The following SACM1L variants were observed in gnomAD, a reference collection of about 807,000 sequenced individuals.
The protein encoded by SACM1L is SAC1 like phosphatidylinositide phosphatase, also known as phosphatidylinositol-3-phosphatase SAC1.
Under a neutral mutation model 89.5 loss-of-function variants are expected in SACM1L, and 32 were observed. The observed-to-expected ratio is 0.36, with a 90% CI of 0.27 to 0.48. The LOEUF is 0.48. SACM1L is among the 20% of genes least tolerant of loss of function. The pLI, the probability that SACM1L is intolerant of heterozygous loss-of-function variation, is 0.99. For missense variants in SACM1L, 543 were observed against 708.5 expected, an observed-to-expected ratio of 0.77 and a Z score of 2.65; for synonymous variants, 213 against 232.8, an observed-to-expected ratio of 0.92 and a Z score of 0.77.
chr3:45,692,515 A>G (rs1698020023), intron 1 of SACM1L, among the ~76,000 whole-genome samples: 1 of 152,058 alleles, frequency 6.6e-6, no homozygotes, highest in Non-Finnish European at 1.5e-5. Context: ...CAGTTTCGCC[A>G]TGTTGCTGAA....
intron 11 of SACM1L, among the ~76,000 whole-genome samples, chr3:45,727,515 G>A (rs1280019500): frequency 6.6e-6 from 1 of 152,018 alleles, no homozygotes; most frequent in Non-Finnish European, 1.5e-5. Context: ...TGGTCTGATT[G>A]GTTTATGATG....
At chr3:45,705,084 T>C (rs1161722535) in intron 2 of SACM1L, 51 bp from the exon 3 acceptor site, 2 of 1,203,750 alleles carry the variant, frequency 1.7e-6, no homozygotes, top group South Asian at 2.6e-5. Context: ...TTTCTGTTTC[T>C]GTTGGTGAGC....
At chr3:45,707,016 C>G (rs751291076) in intron 4 of SACM1L, 109 bp downstream of exon 4, 5 of 1,043,134 alleles carry the variant, frequency 4.8e-6, no homozygotes, top group Non-Finnish European at 4.2e-6. Flanking sequence ...ATTATTTTAA[C>G]AACCTATAGA....
chr3:45,706,968 G>C, intron 4 of SACM1L, 61 bp downstream of exon 4: 1 of 1,515,154 alleles, frequency 6.6e-7, no homozygotes, highest in Non-Finnish European at 9.1e-7. Context: ...GCTGGGGAGA[G>C]GAGGGTGAGG....
chr3:45,713,572 T>C (rs762806943), intron 6 of SACM1L: 40 of 174,420 alleles, frequency 2.3e-4, no homozygotes, highest in Non-Finnish European at 3.8e-4. Context: ...AGGAGAGACA[T>C]GCACAGGCAC....
chr3:45,719,439 C>G, intron 7 of SACM1L, 61 bp from the exon 8 acceptor site: 1 of 950,614 alleles, frequency 1.1e-6, no homozygotes, highest in Non-Finnish European at 1.6e-6. Context: ...TAGATGCAAA[C>G]AATCTAGAAA....
intron 7 of SACM1L, among the ~76,000 whole-genome samples, chr3:45,715,299 G>A (rs541700573): frequency 2.6e-5 from 4 of 152,210 alleles, no homozygotes; most frequent in Admixed American, 1.3e-4. Flanking sequence ...TATTCAGTAT[G>A]TTAATATAAT....
At chr3:45,705,329 C>T (rs749927007) in intron 3 of SACM1L, 120 bp downstream of exon 3, 436 of 514,522 alleles carry the variant, frequency 8.5e-4, no homozygotes, top group Non-Finnish European at 1.0e-3. Flanking sequence ...CAGTAAATCT[C>T]TTGGTTAAGT....
Position 45,690,571 on chromosome 3 carries a change from A to G in SACM1L, c.32+1074A>G, listed in dbSNP as rs79799944. On this transcript the variant is annotated intron_variant, in intron 1 of 19. Transcript: ENST00000389061. ...TAACTTTCTGAAAGGTTCAGTGGAAAGTTAGAGGTGCAAAATTCAGAGAGG... is the reference window on the plus strand; with the variant it reads ...TAACTTTCTGAAAGGTTCAGTGGAAGGTTAGAGGTGCAAAATTCAGAGAGG... 4.6e-3 allele frequency among the ~76,000 whole-genome samples: 701 copies of G among 152,328 alleles called. 5 individuals are homozygous for G. The highest frequency in any genetic ancestry group is 0.016 in the African/African-American group (663 of 41,582).
At chr3:45,696,032 C>G (rs1698116842) in intron 1 of SACM1L, among the ~76,000 whole-genome samples, 1 of 143,978 alleles carries the variant, frequency 6.9e-6, no homozygotes, top group Admixed American at 7.2e-5. Flanking sequence ...GAGTCTCGCT[C>G]TGTTGCCTAT....
At chr3:45,695,931 C>G (rs1698112052) in intron 1 of SACM1L, among the ~76,000 whole-genome samples, 1 of 151,242 alleles carries the variant, frequency 6.6e-6, no homozygotes, top group African/African-American at 2.4e-5. Context: ...CCTTTTATGA[C>G]TGGTTTATTT....
intron 14 of SACM1L, 138 bp from the exon 15 acceptor site, chr3:45,737,445 C>G (rs1311312274): frequency 3.5e-6 from 3 of 860,302 alleles, no homozygotes; most frequent in Non-Finnish European, 5.7e-6. Context: ...GCTGGGGCCC[C>G]CTATAGACAA....
At chr3:45,742,231 G>T (rs1360965138) in intron 19 of SACM1L, among the ~76,000 whole-genome samples, 1 of 152,194 alleles carries the variant, frequency 6.6e-6, no homozygotes, top group Admixed American at 6.5e-5. Context: ...CCATGAAAAT[G>T]AGCAATTATG....
intron 7 of SACM1L, among the ~76,000 whole-genome samples, chr3:45,718,896 T>C (rs1158674387): frequency 6.6e-6 from 1 of 152,140 alleles, no homozygotes; most frequent in African/African-American, 2.4e-5. Context: ...AATAACTTTA[T>C]ATAAAGAAAG....
At position 45,739,656 on chromosome 3, in the gene SACM1L, C is replaced by T. The variant is rs3733106; in HGVS notation, c.1627+12C>T. On this transcript the variant is annotated intron_variant, in intron 19 of 19. Coordinates refer to ENST00000389061, the MANE Select transcript of SACM1L (RefSeq NM_014016.5). ...TTTGCTTATGGCTGGTAAGTCTGCTCCACACATTTGTTTCTTAGTTAGAAT... is the reference window on the plus strand; with the variant it reads ...TTTGCTTATGGCTGGTAAGTCTGCTTCACACATTTGTTTCTTAGTTAGAAT... 0.19 allele frequency: 299,329 copies of T among 1,611,138 alleles called. 30,430 individuals carry two copies. Among genetic ancestry groups the T allele is most frequent in the Non-Finnish European group, 0.21 (248,141 of 1,177,464 alleles).
At chr3:45,701,763 T>C (rs1698277864) in intron 1 of SACM1L, among the ~76,000 whole-genome samples, 1 of 152,180 alleles carries the variant, frequency 6.6e-6, no homozygotes. Context: ...GTGCCTGTAA[T>C]CCCTCCTTTT....
chr3:45,729,623 C>T (rs1335130073), intron 11 of SACM1L, among the ~76,000 whole-genome samples: 3 of 152,092 alleles, frequency 2.0e-5, no homozygotes, highest in South Asian at 2.1e-4. Context: ...ATATATGATC[C>T]CACTGTCTTC....
At chr3:45,703,620 G>A in intron 2 of SACM1L, 85 bp downstream of exon 2, 2 of 854,820 alleles carry the variant, frequency 2.3e-6, no homozygotes, top group Non-Finnish European at 3.7e-6. Context: ...TCAGAGGTGT[G>A]TCAGTGTGTG....
intron 3 of SACM1L, 111 bp downstream of exon 3, chr3:45,705,320 A>G: frequency 1.8e-6 from 1 of 557,732 alleles, no homozygotes. Context: ...TGCTTTAAGC[A>G]GTAAATCTCT....
Sources: allele counts gnomAD v4.1 joint callset (sites outside exome capture counted in the v4.1 genomes callset), GRCh38; gene constraint gnomAD v4.1.1; transcripts MANE v1.5; gene names NCBI Gene and HGNC (gene_info 2026-07-23, HGNC 2026-07-21).